Variants in CSMD3 observed in about 807,000 individuals in gnomAD.
The protein encoded by CSMD3 is CUB and Sushi multiple domains 3, also known as CUB and sushi domain-containing protein 3.
Under a neutral mutation model 435.2 loss-of-function variants are expected in CSMD3, and 177 were observed. That is an observed-to-expected ratio of 0.41 (90% CI 0.36 to 0.46). The LOEUF is 0.46. Ranked by LOEUF, CSMD3 falls within the 20% of genes least tolerant of loss-of-function variation. CSMD3 has a pLI of 0.34. For missense variants in CSMD3, 4,265 were observed against 4,504.6 expected (o/e 0.95, Z 1.52); for synonymous variants, 1,656 against 1,520.5 (o/e 1.09, Z -2.07).
rs554591474 is a variant in CSMD3, at chr8:113,162,665, C to T, written c.709+11057G>A. Reference sequence around the variant, plus strand: ...CTTTTATTACTTGTGTGATGTTGCACTTTAACCTTAACAGTGGCTCAGTTT... The same window carrying T: ...CTTTTATTACTTGTGTGATGTTGCATTTTAACCTTAACAGTGGCTCAGTTT... On this transcript the variant is annotated intron_variant, in intron 4 of 70. Coordinates refer to ENST00000297405, the MANE Select transcript of CSMD3 (RefSeq NM_198123.2). 5.2e-3 allele frequency among the ~76,000 whole-genome samples: 786 copies of T among 151,162 alleles called. 5 individuals carry two copies. Among genetic ancestry groups the T allele is most frequent in the Middle Eastern group, 0.01 (3 of 294 alleles).
At chr8:112,971,328 T>C (rs1190682844) in intron 7 of CSMD3, among the ~76,000 whole-genome samples, 1 of 152,166 alleles carries the variant, frequency 6.6e-6, no homozygotes, top group Non-Finnish European at 1.5e-5. Flanking sequence ...TGTTCTCAGC[T>C]ACTGAGAAGT....
At chr8:112,499,308 A>G (rs1054899473) in intron 30 of CSMD3, among the ~76,000 whole-genome samples, 1 of 152,192 alleles carries the variant, frequency 6.6e-6, no homozygotes, top group Non-Finnish European at 1.5e-5. Context: ...AGGCTTTCAT[A>G]ATATATAAAC....
chr8:112,229,812 T>C (rs1812919182), intron 69 of CSMD3, among the ~76,000 whole-genome samples: 2 of 150,282 alleles, frequency 1.3e-5, no homozygotes, highest in African/African-American at 4.9e-5. Flanking sequence ...ATTTAGAACA[T>C]AGCGGTAGTA....
At chr8:113,403,412 A>T (rs1406325625) in intron 1 of CSMD3, among the ~76,000 whole-genome samples, 1 of 151,318 alleles carries the variant, frequency 6.6e-6, no homozygotes, top group African/African-American at 2.4e-5. Context: ...AAGAACCTCT[A>T]GTCTAAGAAA....
At chr8:113,066,441 A>T (rs1044748242) in intron 5 of CSMD3, among the ~76,000 whole-genome samples, 2 of 152,084 alleles carry the variant, frequency 1.3e-5, no homozygotes, top group Admixed American at 1.3e-4. Context: ...TAGATCGACT[A>T]CCTCTAAATG....
intron 5 of CSMD3, among the ~76,000 whole-genome samples, chr8:113,051,729 C>A (rs1587971283): frequency 6.6e-6 from 1 of 152,176 alleles, no homozygotes; most frequent in Non-Finnish European, 1.5e-5. Flanking sequence ...AAGGTCAGGT[C>A]TTCATTTGAA....
At chr8:113,384,045 G>A (rs2094429106) in intron 1 of CSMD3, among the ~76,000 whole-genome samples, 1 of 152,164 alleles carries the variant, frequency 6.6e-6, no homozygotes, top group Admixed American at 6.5e-5. Flanking sequence ...TTTATAGGGT[G>A]TGTTCATCTT....
At chr8:112,861,996 C>T (rs184879098) in intron 10 of CSMD3, among the ~76,000 whole-genome samples, 38 of 152,048 alleles carry the variant, frequency 2.5e-4, no homozygotes, top group African/African-American at 8.7e-4. Flanking sequence ...CAAGTTCTTT[C>T]GCACAGCTCT....
intron 24 of CSMD3, among the ~76,000 whole-genome samples, chr8:112,567,085 C>T (rs1384358544): frequency 3.9e-5 from 6 of 152,070 alleles, no homozygotes; most frequent in Admixed American, 6.6e-5. Flanking sequence ...TGATGAACCC[C>T]GGTTATTTGC....
chr8:112,570,020 C>T (rs1829380441), intron 24 of CSMD3, among the ~76,000 whole-genome samples: 1 of 152,010 alleles, frequency 6.6e-6, no homozygotes, highest in Non-Finnish European at 1.5e-5. Context: ...AAACTGGAAT[C>T]ATTGTAAGGG....
chr8:113,347,852 CAT>C (rs1258610746), intron 1 of CSMD3, among the ~76,000 whole-genome samples: 1 of 151,986 alleles, frequency 6.6e-6, no homozygotes, highest in Non-Finnish European at 1.5e-5. Context: ...TGATACTTAA[CAT>C]ATACAACATA....
chr8:112,557,952 T>A (rs1828271617), intron 24 of CSMD3, among the ~76,000 whole-genome samples: 1 of 151,946 alleles, frequency 6.6e-6, no homozygotes, highest in African/African-American at 2.4e-5. Context: ...TGGGCATTCT[T>A]GTCGGATTGA....
At chr8:113,070,662 T>G (rs1224946960) in intron 5 of CSMD3, among the ~76,000 whole-genome samples, 2 of 152,082 alleles carry the variant, frequency 1.3e-5, no homozygotes, top group Non-Finnish European at 2.9e-5. Flanking sequence ...TTCTATGAGT[T>G]CAACTAGTTT....
At position 112,905,314 on chromosome 8, in the gene CSMD3, A is replaced by ATATATG. The variant is rs1554714974; in HGVS notation, c.1633+16312_1633+16313insCATATA. Among the ~76,000 whole-genome samples, 48 of 35,748 alleles carry ATATATG rather than the reference A, an allele frequency of 1.3e-3. 1 individual carries two copies. The highest frequency in any genetic ancestry group is 9.8e-5 in the Non-Finnish European group (2 of 20,462). 23.5% of individuals were successfully genotyped at this position (35,748 alleles called of 152,430 possible). ...TTAAACATATACTATGTGTATATAT[A>ATATATG]TATATATACACACACACACACACAC... On this transcript the variant is annotated intron_variant, in intron 10 of 70. Coordinates refer to ENST00000297405, the MANE Select transcript of CSMD3 (RefSeq NM_198123.2).
At chr8:112,666,145 A>G (rs1336535420) in intron 17 of CSMD3, 132 bp downstream of exon 17, 8 of 760,194 alleles carry the variant, frequency 1.1e-5, no homozygotes, top group African/African-American at 1.7e-5. Flanking sequence ...GGGCAAACAG[A>G]TGGAAGCATT....
chr8:113,118,722 G>C (rs921229673), intron 4 of CSMD3, among the ~76,000 whole-genome samples: 3 of 152,040 alleles, frequency 2.0e-5, no homozygotes, highest in African/African-American at 7.2e-5. Context: ...AATGTTTCCA[G>C]CAGTCTCAGT....
chr8:113,257,404 C>T (rs1299516590), intron 3 of CSMD3, among the ~76,000 whole-genome samples: 1 of 152,100 alleles, frequency 6.6e-6, no homozygotes, highest in Non-Finnish European at 1.5e-5. Flanking sequence ...GGGCAAGACT[C>T]TGTCTCAAAA....
chr8:113,434,774 A>C (rs1352975046), intron 1 of CSMD3, among the ~76,000 whole-genome samples: 1 of 152,172 alleles, frequency 6.6e-6, no homozygotes, highest in Non-Finnish European at 1.5e-5. Flanking sequence ...GGCGCATCTC[A>C]TTCGGAAAAT....
At chr8:112,928,620 T>C (rs1369181953) in intron 9 of CSMD3, among the ~76,000 whole-genome samples, 2 of 150,656 alleles carry the variant, frequency 1.3e-5, no homozygotes, top group South Asian at 2.1e-4. Flanking sequence ...CATGAACTCA[T>C]CATTTTTTAT....
Sources: gnomAD v4.1 joint callset for allele counts (sites outside exome capture counted in the v4.1 genomes callset) on GRCh38, gnomAD v4.1.1 for gene constraint, MANE v1.5 for transcripts, NCBI Gene and HGNC (gene_info 2026-07-23, HGNC 2026-07-21) for gene names.